VPS36: variants seen among roughly 807,000 people sequenced by gnomAD.
The protein encoded by VPS36 is vacuolar protein-sorting-associated protein 36.
VPS36 carries 31 observed loss-of-function variants against 63.5 expected under a neutral mutation model. That is an observed-to-expected ratio of 0.49 (90% CI 0.37 to 0.66). The LOEUF (loss-of-function observed/expected upper bound fraction) is 0.66, where lower values mean the gene tolerates loss of function less well. VPS36 is among the 30% of genes least tolerant of loss of function. VPS36 has a pLI of 0.00. For missense variants in VPS36, 338 were observed against 463.7 expected (o/e 0.73, Z 2.49); for synonymous variants, 138 against 157.2 (o/e 0.88, Z 0.91).
In VPS36 at chr13:52,414,150, A is replaced by C. The variant is rs1957970898; in HGVS notation, c.*1680T>G. The C allele has an allele frequency of 1.3e-5, 2 of 152,160 alleles. No homozygotes were observed. The highest frequency in any genetic ancestry group is 2.9e-5 in the Non-Finnish European group (2 of 68,048). 9.4% of individuals were successfully genotyped at this position (152,160 alleles called of 1,614,324 possible). A position where few individuals can be genotyped will look rare whatever the true frequency, so the allele number is the denominator to read the frequency against. On this transcript the variant is annotated 3_prime_UTR_variant, in exon 14 of 14. Coordinates refer to ENST00000378060, the MANE Select transcript of VPS36 (RefSeq NM_016075.4). The stretch of plus-strand genomic sequence containing the variant: ...GTGAAACAGATTATTTATCTTCATA[A>C]TTTTAAAAGCCTTAGCCAGGTGAGA...
intron 1 of VPS36, among the ~76,000 whole-genome samples, chr13:52,444,878 T>A (rs982783136): frequency 6.6e-6 from 1 of 152,200 alleles, no homozygotes; most frequent in African/African-American, 2.4e-5. Context: ...CATGTAACTC[T>A]GAACTATATA....
Position 52,414,954 on chromosome 13 carries a change from A to G in VPS36, c.*876T>C, listed in dbSNP as rs1180843757. 6.6e-6 allele frequency: 1 copy of G among 152,252 alleles called. No homozygotes were observed. The highest frequency in any genetic ancestry group is 1.9e-4 in the East Asian group (1 of 5,206). 9.4% of individuals were successfully genotyped at this position (152,252 alleles called of 1,614,324 possible). ...AAAAAATATTGCTGGAATATGATAG[A>G]CTTTTTAAAGTTCAGTGTTGAAACT... On this transcript the variant is annotated 3_prime_UTR_variant, in exon 14 of 14. Transcript: ENST00000378060.
At chr13:52,438,789 C>A (rs1958244195) in intron 3 of VPS36, among the ~76,000 whole-genome samples, 1 of 152,212 alleles carries the variant, frequency 6.6e-6, no homozygotes, top group African/African-American at 2.4e-5. Context: ...GAGAAACAAA[C>A]TTAATGATCA....
chr13:52,415,919 G>C lies in VPS36; in HGVS notation c.1072C>G (p.Leu358Val), dbSNP rs574568412. ...MSVLLAKERL[L>V]LAEKMGHLCR... ...AGATGGCCCATCTTCTCTGCAAGCAGCAACCTAAAAAAAAACAACAAAAAA... is the reference window on the plus strand; with the variant it reads ...AGATGGCCCATCTTCTCTGCAAGCACCAACCTAAAAAAAAACAACAAAAAA... Residue 358 changes from leucine (L) to valine (V), a missense_variant, in exon 14 of 14, where the codon CTG becomes GTG. Transcript: ENST00000378060. 20 of 1,613,336 alleles carry C rather than the reference G, an allele frequency of 1.2e-5. No individual in the cohort carries two copies. Among genetic ancestry groups the C allele is most frequent in the Non-Finnish European group, 1.7e-5 (20 of 1,179,860 alleles).
chr13:52,441,908 T>G (rs1474367286), intron 2 of VPS36, among the ~76,000 whole-genome samples: 1 of 152,166 alleles, frequency 6.6e-6, no homozygotes, highest in East Asian at 1.9e-4. Context: ...ACCAGCTCTT[T>G]GTAAAGACTC....
rs1215209629 is a variant in VPS36 at position 52,438,993 on chromosome 13, C to T, written c.236+105G>A. ...ACAGCAAACCTTAGCTTTATTCATG[C>T]TTTAAGAATGGATTCGTACATCAAG... On this transcript the variant is annotated intron_variant, in intron 3 of 13. Coordinates refer to ENST00000378060, the MANE Select transcript of VPS36 (RefSeq NM_016075.4). 4 of 975,550 alleles carry T rather than the reference C, an allele frequency of 4.1e-6. No homozygotes were observed. In the South Asian group the frequency reaches 5.7e-5, roughly 14 times the overall value. 60.4% of individuals were successfully genotyped at this position (975,550 alleles called of 1,614,324 possible).
intron 6 of VPS36, 124 bp from the exon 7 acceptor site, chr13:52,427,343 C>T (rs1030858139): frequency 1.5e-5 from 14 of 926,840 alleles, no homozygotes; most frequent in East Asian, 1.0e-4. Flanking sequence ...CAGTGGCTCA[C>T]GCCTATAATC....
rs545748546 is a variant in VPS36 at position 52,417,539 on chromosome 13, T to C, written c.906-398A>G. 5.3e-4 allele frequency among the ~76,000 whole-genome samples: 80 copies of C among 152,302 alleles called. 1 individual carries two copies. The highest frequency in any genetic ancestry group is 3.2e-4 in the Non-Finnish European group (22 of 68,012). On this transcript the variant is annotated intron_variant, in intron 11 of 13. Coordinates refer to ENST00000378060, the MANE Select transcript of VPS36 (RefSeq NM_016075.4). ...CCACACCTGGCTAATTTTGTATTTT[T>C]AGGAGAGACGGGGTTTCTCCATGTT...
chr13:52,416,582 C>A (rs4886018), intron 12 of VPS36, among the ~76,000 whole-genome samples: 1 of 151,986 alleles, frequency 6.6e-6, no homozygotes, highest in Non-Finnish European at 1.5e-5. Flanking sequence ...GAAGACAGTA[C>A]TATTTCAAGC....
At chr13:52,427,330 G>T in intron 6 of VPS36, 111 bp from the exon 7 acceptor site, 1 of 1,142,778 alleles carries the variant, frequency 8.8e-7, no homozygotes, top group South Asian at 1.4e-5. Flanking sequence ...TTTCAGCCGG[G>T]CGCAGTGGCT....
intron 8 of VPS36, 73 bp from the exon 9 acceptor site, chr13:52,426,139 C>A (rs1015070860): frequency 6.5e-7 from 1 of 1,546,308 alleles, no homozygotes; most frequent in Non-Finnish European, 8.8e-7. Context: ...ATCACAAATT[C>A]AATTCCACTC....
At chr13:52,428,347 T>C (rs1958124178) in intron 6 of VPS36, among the ~76,000 whole-genome samples, 1 of 152,176 alleles carries the variant, frequency 6.6e-6, no homozygotes, top group African/African-American at 2.4e-5. Flanking sequence ...GTCCATATGG[T>C]GGTCTGAAAC....
At chr13:52,416,548 A>T (rs1057034810) in intron 12 of VPS36, among the ~76,000 whole-genome samples, 6 of 152,258 alleles carry the variant, frequency 3.9e-5, no homozygotes, top group Non-Finnish European at 5.9e-5. Context: ...TATTCAAATT[A>T]TACAGGCTCA....
At position 52,417,912 on chromosome 13, in the gene VPS36, C is replaced by T. The variant is rs551997014; in HGVS notation, c.905+80G>A. 1.2e-5 allele frequency: 15 copies of T among 1,246,832 alleles called. No individual in the cohort carries two copies. The African/African-American group carries it at 1.4e-4, about 11-fold the overall frequency. 77.2% of individuals were successfully genotyped at this position (1,246,832 alleles called of 1,614,324 possible). On this transcript the variant is annotated intron_variant, in intron 11 of 13. Coordinates refer to ENST00000378060, the MANE Select transcript of VPS36 (RefSeq NM_016075.4). ...TAATCTGGCTTGACACTAGGGATGG[C>T]AAACTTGGCTGGGCTTTCCCATCTA...
intron 1 of VPS36, among the ~76,000 whole-genome samples, chr13:52,446,930 C>T (rs1005276590): frequency 6.9e-6 from 1 of 145,486 alleles, no homozygotes; most frequent in Non-Finnish European, 1.5e-5. Flanking sequence ...GGCTGGAGTG[C>T]GATGGTGCGA....
intron 3 of VPS36, 91 bp downstream of exon 3, chr13:52,439,007 T>A (rs1158193379): frequency 9.9e-6 from 11 of 1,114,600 alleles, no homozygotes; most frequent in Non-Finnish European, 1.3e-5. Flanking sequence ...AAGAATGGAT[T>A]CGTACATCAA....
chr13:52,422,352 G>A (rs528560949), intron 10 of VPS36, among the ~76,000 whole-genome samples: 6 of 151,800 alleles, frequency 4.0e-5, no homozygotes, highest in East Asian at 1.9e-4. Flanking sequence ...TTCTTTATCC[G>A]TTCATCACTG....
rs866502293 is a variant in VPS36 at position 52,420,489 on chromosome 13, C to T, written c.841-2433G>A. ...CTGGGATTACAGGTGCCTGCCACCA[C>T]GCCCGGCTAATTGTTGTATTTTTAG... On this transcript the variant is annotated intron_variant, in intron 10 of 13. Transcript: ENST00000378060. 6.5e-4 allele frequency among the ~76,000 whole-genome samples: 99 copies of T among 151,776 alleles called. 1 individual carries two copies. Among genetic ancestry groups the T allele is most frequent in the Middle Eastern group, 6.8e-3 (2 of 294 alleles).
At position 52,423,588 on chromosome 13, in the gene VPS36, C is replaced by T; in HGVS notation, c.826G>A (p.Ala276Thr). ...LTEVYCLVNR[A>T]RGMELLSPED... is the part of the protein sequence containing the mutation. ...TCTATCCTTACTTCCATTCCTCGAG[C>T]TCGGTTTACTAAGCAGTACACCTCC... Residue 276 changes from alanine (A) to threonine (T), a missense_variant, in exon 10 of 14, where the codon GCT becomes ACT. By Grantham distance (58) the Ala-to-Thr change is moderately conservative. Coordinates refer to ENST00000378060, the MANE Select transcript of VPS36 (RefSeq NM_016075.4). 6.2e-7 allele frequency: 1 copy of T among 1,612,448 alleles called. No individual in the cohort carries two copies. The highest frequency in any genetic ancestry group is 8.5e-7 in the Non-Finnish European group (1 of 1,179,286).
Sources: allele counts gnomAD v4.1 joint callset (sites outside exome capture counted in the v4.1 genomes callset), GRCh38; gene constraint gnomAD v4.1.1; transcripts MANE v1.5; gene names NCBI Gene and HGNC (gene_info 2026-07-23, HGNC 2026-07-21).